Variants in AP4S1 observed in about 807,000 individuals in gnomAD.
AP4S1 encodes the protein adaptor related protein complex 4 subunit sigma 1, also known as AP-4 complex subunit sigma-1.
A neutral mutation model predicts 19.8 loss-of-function variants in AP4S1; 23 were observed. That is an observed-to-expected ratio of 1.16 (90% confidence interval 0.84 to 1.65). The LOEUF (loss-of-function observed/expected upper bound fraction) is 1.65. Ranked by LOEUF, AP4S1 falls within the 40% of genes most tolerant of loss-of-function variation. The pLI is 0.00. For missense variants in AP4S1, 166 were observed against 172.8 expected, an observed-to-expected ratio of 0.96 and a Z score of 0.22; for synonymous variants, 46 against 54.1, an observed-to-expected ratio of 0.85 and a Z score of 0.66.
Position 31,065,560 on chromosome 14 carries a change from TTGAA to T in AP4S1, c.-71-560_-71-557del, listed in dbSNP as rs762932260. On this transcript the variant is annotated intron_variant, in intron 1 of 5. Transcript: ENST00000542754. ...TTACCCAGCAAAATGAATGAGTAAA[TTGAA>T]TGAATAGAAACAGAAGTACTGCAGT... Among the ~76,000 whole-genome samples the T allele has an allele frequency of 9.3e-4, 142 of 152,246 alleles. 1 individual carries two copies. Among genetic ancestry groups the T allele is most frequent in the Non-Finnish European group, 1.4e-3 (97 of 68,046 alleles).
At chr14:31,042,315 A>G (rs1015555548) in intron 1 of AP4S1, among the ~76,000 whole-genome samples, 2 of 152,206 alleles carry the variant, frequency 1.3e-5, no homozygotes, top group Admixed American at 1.3e-4. Context: ...GTAGAATATG[A>G]TGATCCAAGT....
At chr14:31,039,169 T>C (rs376481655) in intron 1 of AP4S1, among the ~76,000 whole-genome samples, 1 of 152,010 alleles carries the variant, frequency 6.6e-6, no homozygotes, top group African/African-American at 2.4e-5. Context: ...AGCCTAGCCT[T>C]AATGTAGCTT....
At chr14:31,076,001 G>A (rs1486229471) in intron 4 of AP4S1, among the ~76,000 whole-genome samples, 2 of 152,262 alleles carry the variant, frequency 1.3e-5, no homozygotes, top group East Asian at 3.9e-4. Context: ...CTCCCAAAGT[G>A]CTGGGATTAC....
intron 1 of AP4S1, among the ~76,000 whole-genome samples, chr14:31,060,037 ATG>A (rs950534215): frequency 6.8e-6 from 1 of 147,146 alleles, no homozygotes; most frequent in Non-Finnish European, 1.5e-5. Context: ...TTATGTATAT[ATG>A]TATATATATT....
chr14:31,035,655 A>G (rs1884705034), intron 1 of AP4S1, among the ~76,000 whole-genome samples: 1 of 124,930 alleles, frequency 8.0e-6, no homozygotes. Flanking sequence ...TTTTTTTTTG[A>G]TGTGCGTTTC....
At chr14:31,046,311 G>A (rs1308878387) in intron 1 of AP4S1, among the ~76,000 whole-genome samples, 2 of 151,926 alleles carry the variant, frequency 1.3e-5, no homozygotes, top group Non-Finnish European at 2.9e-5. Flanking sequence ...TCCTGATCCT[G>A]GTAGCCACTA....
intron 1 of AP4S1, chr14:31,026,361 T>A: frequency 3.2e-6 from 1 of 309,232 alleles, no homozygotes; most frequent in Non-Finnish European, 5.0e-6. Context: ...CTGCCGCCAT[T>A]ACAATCCCTC....
rs1301167678 is a variant in AP4S1, at chr14:31,069,936, T to A, written c.225+7T>A. The A allele has an allele frequency of 6.3e-7, 1 of 1,596,842 alleles. No homozygotes were observed. The highest frequency in any genetic ancestry group is 8.6e-7 in the Non-Finnish European group (1 of 1,164,364). On this transcript the variant is annotated splice_region_variant and intron_variant, in intron 3 of 5. Coordinates refer to ENST00000542754, the MANE Select transcript of AP4S1 (RefSeq NM_001128126.3). ...TGGAGTTAATGACACTGAGGTAAGA[T>A]AATAGAAGAGCCCTTGGAAAATGCA...
chr14:31,053,896 A>G (rs747895799), intron 1 of AP4S1, among the ~76,000 whole-genome samples: 1 of 152,140 alleles, frequency 6.6e-6, no homozygotes, highest in Non-Finnish European at 1.5e-5. Context: ...ACATATTTAC[A>G]TGATGTACAG....
intron 1 of AP4S1, among the ~76,000 whole-genome samples, chr14:31,049,476 C>T (rs1230794451): frequency 4.7e-4 from 53 of 111,818 alleles, no homozygotes; most frequent in African/African-American, 2.2e-3. Context: ...TATATATGTA[C>T]ACACACACAC....
intron 4 of AP4S1, among the ~76,000 whole-genome samples, chr14:31,076,445 G>A (rs779931684): frequency 3.9e-5 from 6 of 152,118 alleles, no homozygotes; most frequent in Non-Finnish European, 8.8e-5. Flanking sequence ...ATGTTTATTA[G>A]CCATTTGTCT....
intron 5 of AP4S1, chr14:31,083,496 C>CTTTTTTTTTTGTTTTTTTTTTTTTTTTTT: frequency 3.9e-6 from 1 of 254,120 alleles, no homozygotes. Context: ...TGTTGACACT[C>CTTTTTTTTTTGTTTTTTTTTTTTTTTTTT]TTTTTTTTTT....
intron 1 of AP4S1, chr14:31,026,107 T>G (rs1390513314): frequency 9.3e-6 from 14 of 1,510,718 alleles, no homozygotes; most frequent in Non-Finnish European, 1.2e-5. Context: ...AGGCCCAGGT[T>G]CCCCCCAGGT....
At chr14:31,026,162 A>ACCG (rs1249219985) in intron 1 of AP4S1, 2 of 1,481,492 alleles carry the variant, frequency 1.3e-6, no homozygotes, top group African/African-American at 3.0e-5. Flanking sequence ...GGCCGCCACC[A>ACCG]CCGCCTCCGG....
rs569954085 is a variant in AP4S1, at chr14:31,063,792, A to G, written c.-71-2334A>G. The stretch of plus-strand genomic sequence containing the variant: ...GTCTGGAGTTAATAATAATGTACTA[A>G]TATTGGTTTCTTAGTTTTGGCAAAT... On this transcript the variant is annotated intron_variant, in intron 1 of 5. Coordinates refer to ENST00000542754, the MANE Select transcript of AP4S1 (RefSeq NM_001128126.3). 2.0e-5 allele frequency among the ~76,000 whole-genome samples: 3 copies of G among 152,336 alleles called. No homozygotes were observed. In the South Asian group the frequency reaches 6.2e-4, roughly 32 times the overall value.
intron 1 of AP4S1, among the ~76,000 whole-genome samples, chr14:31,063,316 G>GCTA (rs1302243343): frequency 6.6e-6 from 1 of 152,108 alleles, no homozygotes; most frequent in African/African-American, 2.4e-5. Context: ...TGTAATCTTA[G>GCTA]CTACTCAGGA....
At chr14:31,057,117 C>T (rs1297892374) in intron 1 of AP4S1, among the ~76,000 whole-genome samples, 4 of 152,066 alleles carry the variant, frequency 2.6e-5, no homozygotes, top group Non-Finnish European at 5.9e-5. Flanking sequence ...TTTAATGACA[C>T]TGATATGTAG....
At chr14:31,041,216 C>T (rs978382536) in intron 1 of AP4S1, among the ~76,000 whole-genome samples, 2 of 152,022 alleles carry the variant, frequency 1.3e-5, no homozygotes, top group Non-Finnish European at 2.9e-5. Context: ...GTGGCGTAAT[C>T]TCTGCTCACT....
chr14:31,031,309 T>A (rs1884374434), intron 1 of AP4S1, among the ~76,000 whole-genome samples: 1 of 152,178 alleles, frequency 6.6e-6, no homozygotes, highest in Non-Finnish European at 1.5e-5. Context: ...ACTTCATCCT[T>A]CTTAGACCAT....
Sources: gnomAD v4.1 joint callset for allele counts (sites outside exome capture counted in the v4.1 genomes callset) on GRCh38, gnomAD v4.1.1 for gene constraint, MANE v1.5 for transcripts, NCBI Gene and HGNC (gene_info 2026-07-23, HGNC 2026-07-21) for gene names.